The following BTAF1 variants were observed in gnomAD, a reference collection of about 807,000 sequenced individuals.
BTAF1 encodes the protein TATA-binding protein-associated factor 172.
BTAF1 carries 38 observed loss-of-function variants against 227.1 expected under a neutral mutation model. That is an observed-to-expected ratio of 0.17 (90% CI 0.13 to 0.22). BTAF1 has a LOEUF of 0.22. Among genes scored for constraint, BTAF1 ranks in the 10% least tolerant of loss-of-function variants. BTAF1 has a pLI of 1.00. For synonymous variants in BTAF1, 742 were observed against 751.9 expected (o/e 0.99, Z 0.21); for missense variants, 1,598 against 2,204.0 (o/e 0.73, Z 5.51).
intron 25 of BTAF1, among the ~76,000 whole-genome samples, chr10:92,001,530 G>GT (rs1266975573): frequency 6.6e-6 from 1 of 152,084 alleles, no homozygotes; most frequent in Non-Finnish European, 1.5e-5. Context: ...ATAGAGCCAA[G>GT]TTAGCCCTTG....
chr10:91,930,022 T>C (rs1033310732), intron 1 of BTAF1, among the ~76,000 whole-genome samples: 1 of 152,236 alleles, frequency 6.6e-6, no homozygotes, highest in Admixed American at 6.5e-5. Flanking sequence ...TCCTTATTTC[T>C]TTGGCGTATT....
Position 92,027,280 on chromosome 10 carries a change from G to C in BTAF1, c.5386G>C (p.Asp1796His). ...LQSMGTDQLL[D>H]LFTLDKDGKA... Reference sequence around the variant, plus strand: ...GAGCATGGGGACTGATCAGCTTCTTGATCTGTTTACTCTTGATAAGGTAAA... The same window carrying C: ...GAGCATGGGGACTGATCAGCTTCTTCATCTGTTTACTCTTGATAAGGTAAA... The change falls in exon 37 of 38, where the codon GAT becomes CAT. Residue 1796 changes from aspartate (D) to histidine (H), a missense_variant. By Grantham distance (81) the Asp-to-His change is moderately conservative. This residue lies in a region of BTAF1 where 79 missense variants were observed against 97.9 expected (regional missense o/e 0.81). Coordinates refer to ENST00000265990, the MANE Select transcript of BTAF1 (RefSeq NM_003972.3). 1 of 1,612,254 alleles carries C rather than the reference G, an allele frequency of 6.2e-7. No homozygotes were observed. The highest frequency in any genetic ancestry group is 8.5e-7 in the Non-Finnish European group (1 of 1,179,446).
chr10:92,028,854 A>G lies in BTAF1; in HGVS notation c.5471A>G (p.Glu1824Gly). 5 of 1,609,906 alleles carry G rather than the reference A, an allele frequency of 3.1e-6. No individual in the cohort carries two copies. The highest frequency in any genetic ancestry group is 4.2e-6 in the Non-Finnish European group (5 of 1,178,426). The change falls in exon 38 of 38, where the codon GAA (glutamate) becomes GGA (glycine). Residue 1824 changes from glutamate (E) to glycine (G), a missense_variant. By Grantham distance (98) the Glu-to-Gly change is moderately conservative. Transcript: ENST00000265990. ...SGKASMKSIL[E>G]NLSDLWDQEQ... ...AAAGCAAGTATGAAATCAATTCTTGAAAACCTGAGTGATCTTTGGGATCAA... is the reference window on the plus strand; with the variant it reads ...AAAGCAAGTATGAAATCAATTCTTGGAAACCTGAGTGATCTTTGGGATCAA...
At position 92,025,446 on chromosome 10, in the gene BTAF1, A is replaced by ATT. The variant is rs1851431601; in HGVS notation, c.5075+479_5075+480insTT. Reference sequence around the variant, plus strand: ...TCTCAGTGGTTGCTTTTTTTTTTAAAAAAAAAATGCAGATTCCTAGGTTCT... The same window carrying ATT: ...TCTCAGTGGTTGCTTTTTTTTTTAAATTAAAAAAATGCAGATTCCTAGGTTCT... On this transcript the variant is annotated intron_variant, in intron 35 of 37. Transcript: ENST00000265990. 3.4e-5 allele frequency among the ~76,000 whole-genome samples: 5 copies of ATT among 148,128 alleles called. No individual in the cohort carries two copies. The South Asian group carries it at 8.5e-4, about 25-fold the overall frequency.
rs114973083 is a variant in BTAF1, at chr10:91,950,091, A to G, written c.401-1312A>G. 3.1e-3 allele frequency among the ~76,000 whole-genome samples: 427 copies of G among 136,724 alleles called. 3 individuals are homozygous for G. Among genetic ancestry groups the G allele is most frequent in the African/African-American group, 0.011 (414 of 38,102 alleles). 89.7% of individuals were successfully genotyped at this position (136,724 alleles called of 152,430 possible). A position where few individuals can be genotyped will look rare whatever the true frequency, so the allele number is the denominator to read the frequency against. On this transcript the variant is annotated intron_variant, in intron 4 of 37. Transcript: ENST00000265990. The stretch of plus-strand genomic sequence containing the variant: ...CAGGAGTTTGAGGCTGCAGTGAGCT[A>G]TGATTGTACCTACTGCACTCCAGCG...
chr10:92,019,615 C>T (rs1007679333), intron 34 of BTAF1, among the ~76,000 whole-genome samples: 1 of 152,300 alleles, frequency 6.6e-6, no homozygotes, highest in African/African-American at 2.4e-5. Flanking sequence ...CCATTTTACA[C>T]TCCCACCAGC....
chr10:91,969,684 C>T (rs977982388), intron 14 of BTAF1, among the ~76,000 whole-genome samples: 34 of 152,176 alleles, frequency 2.2e-4, no homozygotes, highest in African/African-American at 8.2e-4. Flanking sequence ...CCCCGTCGGG[C>T]CCAGCGTGGT....
intron 4 of BTAF1, among the ~76,000 whole-genome samples, chr10:91,947,569 A>C (rs1041478275): frequency 1.3e-5 from 2 of 152,148 alleles, no homozygotes; most frequent in African/African-American, 4.8e-5. Context: ...ATTGATGTCT[A>C]TTCTTACGCG....
Position 92,018,649 on chromosome 10 carries a change from A to AGTTTGAATGGTTCTT in BTAF1, c.4711-133_4711-132insTTTGAATGGTTCTTG, listed in dbSNP as rs1662971208. 9.8e-6 allele frequency: 7 copies of AGTTTGAATGGTTCTT among 717,836 alleles called. No homozygotes were observed. The East Asian group carries it at 2.1e-4, about 21-fold the overall frequency. 44.5% of individuals were successfully genotyped at this position (717,836 alleles called of 1,614,324 possible). On this transcript the variant is annotated intron_variant, in intron 33 of 37. Transcript: ENST00000265990. ...TTGAACTGGTTCTTGAAGAATGAGT[A>AGTTTGAATGGTTCTT]GAAGTTTGCCGAGCAAGAAGAGGGA...
chr10:91,983,953 T>C (rs1038861815), intron 18 of BTAF1, among the ~76,000 whole-genome samples: 1 of 152,116 alleles, frequency 6.6e-6, no homozygotes, highest in Non-Finnish European at 1.5e-5. Context: ...GTGTAAACTT[T>C]GGATAGGTAG....
In BTAF1 at chr10:91,982,647, A is replaced by T. The variant is rs779848076; in HGVS notation, c.2109A>T (p.Glu703Asp). 1 of 1,613,882 alleles carries T rather than the reference A, an allele frequency of 6.2e-7. No homozygotes were observed. The highest frequency in any genetic ancestry group is 8.5e-7 in the Non-Finnish European group (1 of 1,179,860). Residue 703 changes from glutamate (E) to aspartate (D), a missense_variant, in exon 18 of 38, where the codon GAA becomes GAT. Glu to Asp is a conservative substitution (Grantham distance 45). Transcript: ENST00000265990. ...CDPGVNVVTQ[E>D]IKPAESLGQL... is the part of the protein sequence containing the mutation. ...CAGGTGTAAATGTGGTAACTCAAGAAATTAAACCAGCTGAATCCCTGGGCC... is the reference window on the plus strand; with the variant it reads ...CAGGTGTAAATGTGGTAACTCAAGATATTAAACCAGCTGAATCCCTGGGCC...
chr10:91,943,417 G>A (rs1845148319), intron 4 of BTAF1, among the ~76,000 whole-genome samples: 1 of 152,174 alleles, frequency 6.6e-6, no homozygotes, highest in African/African-American at 2.4e-5. Flanking sequence ...CAAGATAATG[G>A]CCTGGAGTGG....
intron 4 of BTAF1, among the ~76,000 whole-genome samples, chr10:91,948,172 C>T (rs1032334045): frequency 6.8e-6 from 1 of 147,480 alleles, no homozygotes; most frequent in African/African-American, 2.5e-5. Flanking sequence ...CCCCACCCCA[C>T]GACAGGCCCC....
At chr10:92,025,187 G>A (rs1851413240) in intron 35 of BTAF1, among the ~76,000 whole-genome samples, 2 of 152,026 alleles carry the variant, frequency 1.3e-5, no homozygotes, top group African/African-American at 4.8e-5. Flanking sequence ...TAATAGAAAA[G>A]CACTCTGAAG....
chr10:91,968,101 A>G (rs1264697221), intron 14 of BTAF1, among the ~76,000 whole-genome samples: 1 of 152,186 alleles, frequency 6.6e-6, no homozygotes, highest in East Asian at 1.9e-4. Context: ...CATTTTGTAC[A>G]TATTGTACAT....
Position 92,016,416 on chromosome 10 carries a change from C to G in BTAF1, c.4661C>G (p.Ser1554Cys), listed in dbSNP as rs777041621. 4 of 1,594,756 alleles carry G rather than the reference C, an allele frequency of 2.5e-6. No individual in the cohort carries two copies. Among genetic ancestry groups the G allele is most frequent in the South Asian group, 1.2e-5 (1 of 85,930 alleles). ...GAAACAGTTTCTTCAGCTACACTTTCTGAAGAAACTGAAAAACCAAAGCTT... is the reference window on the plus strand; with the variant it reads ...GAAACAGTTTCTTCAGCTACACTTTGTGAAGAAACTGAAAAACCAAAGCTT... ...VDETVSSATL[S>C]EETEKPKLKA... Residue 1554 changes from serine (S) to cysteine (C), a missense_variant, in exon 33 of 38, where the codon TCT becomes TGT. By Grantham distance (112) the Ser-to-Cys change is moderately radical. Around this residue, in one of 10 missense-constraint regions of BTAF1, gnomAD observed 205 missense variants for 244.5 expected, o/e 0.84. Transcript: ENST00000265990.
intron 33 of BTAF1, among the ~76,000 whole-genome samples, chr10:92,017,526 T>G (rs1298247700): frequency 6.6e-6 from 1 of 152,066 alleles, no homozygotes; most frequent in African/African-American, 2.4e-5. Flanking sequence ...TTTGTTTTGT[T>G]TTTTTAAGAG....
chr10:91,943,468 A>G (rs1241836976), intron 4 of BTAF1, among the ~76,000 whole-genome samples: 1 of 152,252 alleles, frequency 6.6e-6, no homozygotes, highest in African/African-American at 2.4e-5. Flanking sequence ...TTGTAAGTAA[A>G]TAATTTGCAT....
chr10:91,942,195 A>T (rs1449586256), intron 3 of BTAF1, among the ~76,000 whole-genome samples: 1 of 152,096 alleles, frequency 6.6e-6, no homozygotes. Context: ...GAGGCAGAAG[A>T]AGTCCTTGAT....
Sources: allele counts gnomAD v4.1 joint callset (sites outside exome capture counted in the v4.1 genomes callset), GRCh38; gene constraint gnomAD v4.1.1; regional missense constraint gnomAD v4.1.1; transcripts MANE v1.5; gene names NCBI Gene and HGNC (gene_info 2026-07-23, HGNC 2026-07-21).